Variants in BMPR1B observed in about 807,000 individuals in gnomAD.
BMPR1B encodes bone morphogenetic protein receptor type 1B.
A neutral mutation model predicts 59.1 loss-of-function variants in BMPR1B; 12 were observed. That is an observed-to-expected ratio of 0.20 (90% CI 0.13 to 0.33). The LOEUF is 0.33. BMPR1B is among the 10% of genes least tolerant of loss of function. BMPR1B has a pLI of 1.00. For missense variants in BMPR1B, 550 were observed against 610.9 expected (o/e 0.90, Z 1.05); for synonymous variants, 237 against 207.3 (o/e 1.14, Z -1.23).
At chr4:94,826,992 A>G (rs2110663819) in intron 1 of BMPR1B, among the ~76,000 whole-genome samples, 1 of 152,332 alleles carries the variant, frequency 6.6e-6, no homozygotes, top group Non-Finnish European at 1.5e-5. Flanking sequence ...AAAATAAGCC[A>G]AAAATACTGA....
intron 2 of BMPR1B, among the ~76,000 whole-genome samples, chr4:94,898,449 C>A (rs1727673199): frequency 6.6e-6 from 1 of 152,004 alleles, no homozygotes; most frequent in Admixed American, 6.6e-5. Context: ...GGGGCAGTTC[C>A]CCCATGCTGT....
chr4:95,006,646 A>C (rs1722857911), intron 3 of BMPR1B, among the ~76,000 whole-genome samples: 2 of 149,666 alleles, frequency 1.3e-5, no homozygotes, highest in South Asian at 4.2e-4. Context: ...GGTTCAAGAG[A>C]TTCTCCTGCC....
intron 6 of BMPR1B, among the ~76,000 whole-genome samples, chr4:95,117,565 C>G (rs1022974722): frequency 1.3e-5 from 2 of 151,946 alleles, no homozygotes; most frequent in Admixed American, 6.6e-5. Flanking sequence ...GGAAGATCGC[C>G]TGGGCCCAGA....
At chr4:95,051,764 A>C (rs1411387830) in intron 3 of BMPR1B, 2 of 1,535,388 alleles carry the variant, frequency 1.3e-6, no homozygotes, top group East Asian at 2.4e-5. Context: ...CTCTCTATGC[A>C]CACAAGGGGT....
intron 1 of BMPR1B, among the ~76,000 whole-genome samples, chr4:94,804,937 A>G (rs996959143): frequency 3.5e-4 from 54 of 152,262 alleles, no homozygotes; most frequent in African/African-American, 1.2e-3. Context: ...TAATATTAAT[A>G]CTATTTATGT....
rs534062735 is a variant in BMPR1B at position 95,030,655 on chromosome 4, A to G, written c.-18+34521A>G. On this transcript the variant is annotated intron_variant, in intron 3 of 12. Coordinates refer to ENST00000515059, the MANE Select transcript of BMPR1B (RefSeq NM_001203.3). ...CAGCCCAAAATCTCCTTAAGCTGAT[A>G]AGAAACTTCAGCAAAGTCTCCAGAT... 3.1e-4 allele frequency among the ~76,000 whole-genome samples: 47 copies of G among 152,294 alleles called. No individual in the cohort carries two copies. In the East Asian group the frequency reaches 5.2e-3, roughly 17 times the overall value.
At chr4:95,018,659 T>C (rs1723753610) in intron 3 of BMPR1B, among the ~76,000 whole-genome samples, 1 of 152,204 alleles carries the variant, frequency 6.6e-6, no homozygotes, top group Non-Finnish European at 1.5e-5. Context: ...TTTTGTGCAG[T>C]TATTTTTGGA....
At position 95,116,129 on chromosome 4, in the gene BMPR1B, A is replaced by T. The variant is rs560246267; in HGVS notation, c.349+342A>T. On this transcript the variant is annotated intron_variant, in intron 6 of 12. Coordinates refer to ENST00000515059, the MANE Select transcript of BMPR1B (RefSeq NM_001203.3). ...AGTTGTAGTTCACCCAAAAACTACC[A>T]TTTGTCTATATTTATTTTAAAAGTA... is the stretch of plus-strand genomic sequence containing the variant. 9.1e-4 allele frequency among the ~76,000 whole-genome samples: 138 copies of T among 152,242 alleles called. 2 individuals are homozygous for T. The highest frequency in any genetic ancestry group is 8.7e-3 in the South Asian group (42 of 4,824).
At position 95,051,671 on chromosome 4, in the gene BMPR1B, C is replaced by T. The variant is rs1217425906; in HGVS notation, c.-17-52737C>T. ...GCAAGAAACAGGAGGCTTAAACAGG[C>T]AGGGCACATTGACTGCTCTGCTGCT... On this transcript the variant is annotated intron_variant, in intron 3 of 12. Coordinates refer to ENST00000515059, the MANE Select transcript of BMPR1B (RefSeq NM_001203.3). The T allele has an allele frequency of 3.3e-6, 5 of 1,533,468 alleles. No individual in the cohort carries two copies. The Admixed American group carries it at 9.8e-5, about 30-fold the overall frequency. The allele number at this position is 1,533,468 out of a possible 1,614,324, so 95.0% of individuals were successfully genotyped here.
intron 1 of BMPR1B, among the ~76,000 whole-genome samples, chr4:94,763,387 A>G (rs1421669651): frequency 2.0e-5 from 3 of 151,970 alleles, no homozygotes; most frequent in Non-Finnish European, 4.4e-5. Flanking sequence ...CATTCAGTAA[A>G]TAGTTGTGCA....
intron 10 of BMPR1B, among the ~76,000 whole-genome samples, chr4:95,141,609 G>A (rs2149316878): frequency 6.6e-6 from 1 of 152,268 alleles, no homozygotes; most frequent in East Asian, 1.9e-4. Flanking sequence ...TGATGTGCTG[G>A]CGGACATCAC....
chr4:95,069,421 T>G (rs1034097781), intron 3 of BMPR1B, among the ~76,000 whole-genome samples: 5 of 152,216 alleles, frequency 3.3e-5, no homozygotes, highest in Non-Finnish European at 7.3e-5. Context: ...GAATGCCAGG[T>G]GCACTTCTCC....
At position 95,102,256 on chromosome 4, in the gene BMPR1B, C is replaced by G. The variant is rs187034813; in HGVS notation, c.-17-2152C>G. ...TTCTTAGAAAATAGCATCTTACTTC[C>G]AATCACATGAGGATATTTTCTTTTC... On this transcript the variant is annotated intron_variant, in intron 3 of 12. Coordinates refer to ENST00000515059, the MANE Select transcript of BMPR1B (RefSeq NM_001203.3). Among the ~76,000 whole-genome samples, 20 of 152,248 alleles carry G rather than the reference C, an allele frequency of 1.3e-4. No individual in the cohort carries two copies. The East Asian group carries it at 3.7e-3, about 28-fold the overall frequency.
chr4:94,989,172 C>T (rs534101209), intron 2 of BMPR1B, among the ~76,000 whole-genome samples: 2 of 152,100 alleles, frequency 1.3e-5, no homozygotes, highest in Admixed American at 6.6e-5. Flanking sequence ...TGGTGGATCA[C>T]GAGGTGAAGA....
chr4:95,054,070 T>G (rs1308559025), intron 3 of BMPR1B, among the ~76,000 whole-genome samples: 3 of 152,196 alleles, frequency 2.0e-5, no homozygotes, highest in African/African-American at 4.8e-5. Context: ...AGATCTTACA[T>G]CCATATTTAA....
At chr4:94,784,188 T>C (rs1180850215) in intron 1 of BMPR1B, among the ~76,000 whole-genome samples, 1 of 152,220 alleles carries the variant, frequency 6.6e-6, no homozygotes, top group Non-Finnish European at 1.5e-5. Flanking sequence ...GAGCTCCTCA[T>C]ACTGCCATTC....
intron 2 of BMPR1B, among the ~76,000 whole-genome samples, chr4:94,889,492 T>C (rs1038952748): frequency 6.6e-6 from 1 of 152,132 alleles, no homozygotes; most frequent in African/African-American, 2.4e-5. Context: ...GTTCTCTCTG[T>C]ACTGCTGTAG....
chr4:94,925,833 C>T (rs1208179543), intron 2 of BMPR1B, among the ~76,000 whole-genome samples: 5 of 152,092 alleles, frequency 3.3e-5, no homozygotes, highest in African/African-American at 1.2e-4. Flanking sequence ...TGGAAAATAA[C>T]TTTTCTTAGT....
In BMPR1B at chr4:94,969,183, C is replaced by T. The variant is rs140518161; in HGVS notation, c.-112-26857C>T. Among the ~76,000 whole-genome samples, 1,274 of 152,056 alleles carry T rather than the reference C, an allele frequency of 8.4e-3. 17 individuals are homozygous for T. The highest frequency in any genetic ancestry group is 0.029 in the African/African-American group (1,197 of 41,488). ...CCAAGTAGCTGGGACTACATGTGCC[C>T]GCCACCACACCTGGCTAATTTTTTT... On this transcript the variant is annotated intron_variant, in intron 2 of 12. Coordinates refer to ENST00000515059, the MANE Select transcript of BMPR1B (RefSeq NM_001203.3).
Sources: allele counts gnomAD v4.1 joint callset (sites outside exome capture counted in the v4.1 genomes callset), GRCh38; gene constraint gnomAD v4.1.1; transcripts MANE v1.5; gene names NCBI Gene and HGNC (gene_info 2026-07-23, HGNC 2026-07-21).